The following ACOXL variants were observed in gnomAD, a reference collection of about 807,000 sequenced individuals.
The protein encoded by ACOXL is acyl-coenzyme A oxidase-like protein.
Under a neutral mutation model 71.9 loss-of-function variants are expected in ACOXL, and 70 were observed. The ratio of observed to expected loss-of-function variants is 0.97; its 90% confidence interval spans 0.80 to 1.19. The LOEUF is 1.19. Ranked by LOEUF, ACOXL falls within the 50% of genes most tolerant of loss-of-function variation. The pLI is 0.00. For missense variants in ACOXL, 703 were observed against 736.3 expected, an observed-to-expected ratio of 0.95 and a Z score of 0.52; for synonymous variants, 253 against 281.6, an observed-to-expected ratio of 0.90 and a Z score of 1.02.
At chr2:110,943,177 G>A in intron 12 of ACOXL, among the ~76,000 whole-genome samples, 1 of 139,206 alleles carries the variant, frequency 7.2e-6, no homozygotes, top group African/African-American at 2.7e-5. Flanking sequence ...AGGGAGGGAG[G>A]GAAAGAAGGA....
chr2:111,004,428 G>C (rs1460542699), intron 14 of ACOXL, among the ~76,000 whole-genome samples: 1 of 152,172 alleles, frequency 6.6e-6, no homozygotes, highest in Non-Finnish European at 1.5e-5. Flanking sequence ...GAGTTCTCAT[G>C]AAAGAATAAG....
At chr2:110,828,093 C>T (rs1689372317) in intron 9 of ACOXL, among the ~76,000 whole-genome samples, 1 of 152,128 alleles carries the variant, frequency 6.6e-6, no homozygotes, top group Non-Finnish European at 1.5e-5. Context: ...TCCTTAGCCT[C>T]CCAAGTAGCT....
chr2:110,852,042 G>T (rs12468564), intron 10 of ACOXL, among the ~76,000 whole-genome samples: 43,481 of 152,120 alleles, frequency 0.29, 6,612 homozygotes, highest in Non-Finnish European at 0.33. Context: ...CTGCCCTTCT[G>T]CCAGGGCCAG....
chr2:111,089,030 G>A (rs1175406400), intron 16 of ACOXL, among the ~76,000 whole-genome samples: 1 of 152,160 alleles, frequency 6.6e-6, no homozygotes, highest in Admixed American at 6.5e-5. Context: ...CCCAGGCACG[G>A]TGGCTCACGC....
rs367882790 is a variant in ACOXL at position 111,118,089 on chromosome 2, C to G, written c.*273C>G. On this transcript the variant is annotated 3_prime_UTR_variant, in exon 18 of 18. Coordinates refer to ENST00000439055, the MANE Select transcript of ACOXL (RefSeq NM_001142807.4). ...CTGCAACCTCTCCCAACTTCAGTGCCGGATCCCCTAGACAATCAGGGTGGG... is the reference window on the plus strand; with the variant it reads ...CTGCAACCTCTCCCAACTTCAGTGCGGGATCCCCTAGACAATCAGGGTGGG... 11 of 552,880 alleles carry G rather than the reference C, an allele frequency of 2.0e-5. No homozygotes were observed. In the African/African-American group the frequency reaches 2.1e-4, roughly 11 times the overall value. 34.2% of individuals were successfully genotyped at this position (552,880 alleles called of 1,614,324 possible).
chr2:110,783,063 A>G (rs1234271408), intron 2 of ACOXL, among the ~76,000 whole-genome samples: 3 of 152,198 alleles, frequency 2.0e-5, no homozygotes, highest in African/African-American at 7.2e-5. Flanking sequence ...AGATGTCCAG[A>G]TGAGAAACCT....
Position 110,768,396 on chromosome 2 carries a change from G to A in ACOXL, c.7G>A (p.Ala3Thr). ...TGATTTAAGCTTGGATGAAATGAGA[G>A]CTTTGACAGTTCAGAGAGTGAAGTT... MRALTVQRVKFAM... is the reference protein window; with the variant it reads MRTLTVQRVKFAM... The change falls in exon 2 of 18, where the codon GCT (alanine) becomes ACT (threonine). Residue 3 changes from alanine to threonine, a missense_variant. Transcript: ENST00000439055. 6.2e-7 allele frequency: 1 copy of A among 1,614,028 alleles called. No homozygotes were observed. The highest frequency in any genetic ancestry group is 8.5e-7 in the Non-Finnish European group (1 of 1,179,990).
chr2:110,734,398 T>C (rs1161456187), intron 1 of ACOXL, among the ~76,000 whole-genome samples: 2 of 151,326 alleles, frequency 1.3e-5, no homozygotes, highest in African/African-American at 4.9e-5. Context: ...GCCTCCGGAG[T>C]AGCTGAGATT....
chr2:110,805,377 A>G lies in ACOXL; in HGVS notation c.735A>G (p.Gln245=), dbSNP rs1258393073. ...CTTCGAGATTAGCTGTGGCTTTCCA[A>G]GCTATGGGTGCCATGAAGGTAATTG... ...LTPSRLAVAF[Q]AMGAMKLGLT... The change falls in exon 9 of 18, where the codon CAA becomes CAG. Residue 245 remains glutamine (Q), a synonymous_variant. Transcript: ENST00000439055. 4.0e-5 allele frequency: 65 copies of G among 1,614,122 alleles called. No homozygotes were observed. Among genetic ancestry groups the G allele is most frequent in the Non-Finnish European group, 5.4e-5 (64 of 1,180,042 alleles).
intron 12 of ACOXL, among the ~76,000 whole-genome samples, chr2:110,973,894 C>T (rs1244513869): frequency 1.3e-5 from 2 of 152,212 alleles, no homozygotes; most frequent in South Asian, 2.1e-4. Flanking sequence ...GTGCTTGGTC[C>T]CTTGGGGTGA....
chr2:111,081,235 C>G (rs192093791), intron 16 of ACOXL, among the ~76,000 whole-genome samples: 1 of 152,322 alleles, frequency 6.6e-6, no homozygotes, highest in East Asian at 1.9e-4. Flanking sequence ...CAAATTCTCT[C>G]TGTTTGCAGA....
At chr2:110,950,301 G>C (rs1366225259) in intron 12 of ACOXL, among the ~76,000 whole-genome samples, 2 of 152,212 alleles carry the variant, frequency 1.3e-5, no homozygotes, top group East Asian at 3.9e-4. Context: ...GTCCTATCTT[G>C]TCAGGCAAAT....
chr2:110,805,511 G>A (rs1180570573), intron 9 of ACOXL, 116 bp downstream of exon 9: 17 of 1,423,380 alleles, frequency 1.2e-5, no homozygotes, highest in Non-Finnish European at 1.6e-5. Context: ...ATATGGCCAG[G>A]GTTCCCGGTT....
rs112104675 is a variant in ACOXL, at chr2:110,747,014, G to T, written c.-23+14240G>T. 4.1e-3 allele frequency among the ~76,000 whole-genome samples: 621 copies of T among 152,196 alleles called. 23 individuals carry two copies. The East Asian group carries it at 0.091, about 22-fold the overall frequency. On this transcript the variant is annotated intron_variant, in intron 1 of 17. Transcript: ENST00000439055. ...TGGGCTGAAATAAAATGCAGCAAAA[G>T]AACCCTAAAAAAGACATCTAAAGCC...
chr2:110,958,147 G>GCA (rs1054093496), intron 12 of ACOXL, among the ~76,000 whole-genome samples: 1 of 151,496 alleles, frequency 6.6e-6, no homozygotes, highest in African/African-American at 2.4e-5. Flanking sequence ...ACACACACAT[G>GCA]CACACACACA....
In ACOXL at chr2:111,004,112, T is replaced by C. The variant is rs1009358778; in HGVS notation, c.1281+8108T>C. ...TCTGACCCAAACAGAGTCTGGGCAA[T>C]AGTCTTTGGACAGTGTCCAAGAGAG... On this transcript the variant is annotated intron_variant, in intron 14 of 17. Transcript: ENST00000439055. Among the ~76,000 whole-genome samples, 19 of 152,302 alleles carry C rather than the reference T, an allele frequency of 1.2e-4. No homozygotes were observed. The South Asian group carries it at 3.1e-3, about 25-fold the overall frequency.
chr2:110,873,802 C>G (rs1695562721), intron 10 of ACOXL, among the ~76,000 whole-genome samples: 1 of 152,202 alleles, frequency 6.6e-6, no homozygotes. Flanking sequence ...TCCAGTAGGG[C>G]AGGTTTATAT....
At position 110,763,615 on chromosome 2, in the gene ACOXL, T is replaced by C. The variant is rs532749266; in HGVS notation, c.-22-4753T>C. Reference sequence around the variant, plus strand: ...CCTAGGAGATCTAGAAGAAAGTCCATATGACTTTGCATTTGGTGATGACTT... The same window carrying C: ...CCTAGGAGATCTAGAAGAAAGTCCACATGACTTTGCATTTGGTGATGACTT... On this transcript the variant is annotated intron_variant, in intron 1 of 17. Coordinates refer to ENST00000439055, the MANE Select transcript of ACOXL (RefSeq NM_001142807.4). Among the ~76,000 whole-genome samples, 7 of 152,322 alleles carry C rather than the reference T, an allele frequency of 4.6e-5. No individual in the cohort carries two copies. The South Asian group carries it at 1.4e-3, about 32-fold the overall frequency.
chr2:110,928,563 T>G (rs1002122687), intron 11 of ACOXL, among the ~76,000 whole-genome samples: 2 of 152,244 alleles, frequency 1.3e-5, no homozygotes, highest in East Asian at 3.8e-4. Flanking sequence ...AAAGTCTTGT[T>G]TGGTCTTTTT....
Sources: allele counts gnomAD v4.1 joint callset (sites outside exome capture counted in the v4.1 genomes callset), GRCh38; gene constraint gnomAD v4.1.1; transcripts MANE v1.5; gene names NCBI Gene and HGNC (gene_info 2026-07-23, HGNC 2026-07-21).